The following NRP1 variants were observed in gnomAD, a reference collection of about 807,000 sequenced individuals.
NRP1 encodes neuropilin 1.
Under a neutral mutation model 106.7 loss-of-function variants are expected in NRP1, and 35 were observed. That is an observed-to-expected ratio of 0.33 (90% CI 0.25 to 0.43). The LOEUF is 0.43. Among genes scored for constraint, NRP1 ranks in the 20% least tolerant of loss-of-function variants. NRP1 has a pLI of 1.00. For missense variants in NRP1, 1,024 were observed against 1,170.4 expected, an observed-to-expected ratio of 0.87 and a Z score of 1.83; for synonymous variants, 437 against 417.9, an observed-to-expected ratio of 1.05 and a Z score of -0.56.
Position 33,226,273 on chromosome 10 carries a change from A to G in NRP1, c.998T>C (p.Leu333Pro). Residue 333 changes from leucine to proline, a missense_variant, in exon 7 of 17, where the codon CTG (leucine) becomes CCG (proline). Physicochemically the swap from Leu to Pro is moderately conservative, Grantham distance 98 (BLOSUM62 -3). Transcript: ENST00000374867. ...TGTCCCGACAGCCGTGACAAAGCGC[A>G]GAAGGCCCAAGTCTACCTGCAAGAC... Reference protein sequence around the residue: ...REWIQVDLGLLRFVTAVGTQG... With the variant: ...REWIQVDLGLPRFVTAVGTQG... The G allele has an allele frequency of 6.2e-7, 1 of 1,614,172 alleles. No individual in the cohort carries two copies. The highest frequency in any genetic ancestry group is 1.1e-5 in the South Asian group (1 of 91,088).
chr10:33,194,968 C>A (rs1204197967), intron 12 of NRP1, among the ~76,000 whole-genome samples: 1 of 152,194 alleles, frequency 6.6e-6, no homozygotes, highest in Non-Finnish European at 1.5e-5. Flanking sequence ...GCGGGGCACA[C>A]AACTCTCATT....
chr10:33,196,363 G>A (rs1836786365), intron 12 of NRP1, among the ~76,000 whole-genome samples: 1 of 152,218 alleles, frequency 6.6e-6, no homozygotes. Flanking sequence ...TCCCAGAAAG[G>A]ACATAGAGAA....
intron 2 of NRP1, among the ~76,000 whole-genome samples, chr10:33,271,493 A>G (rs975118123): frequency 1.9e-4 from 29 of 152,254 alleles, no homozygotes; most frequent in African/African-American, 7.0e-4. Context: ...TCTCCCAAGA[A>G]AAAGTTTAGT....
At chr10:33,324,956 A>G (rs1328716576) in intron 2 of NRP1, among the ~76,000 whole-genome samples, 2 of 152,128 alleles carry the variant, frequency 1.3e-5, no homozygotes. Flanking sequence ...CTAAGACTCT[A>G]GTTGAGTTTT....
At chr10:33,210,294 G>A (rs1838197968) in intron 9 of NRP1, among the ~76,000 whole-genome samples, 1 of 151,776 alleles carries the variant, frequency 6.6e-6, no homozygotes, top group African/African-American at 2.4e-5. Context: ...ATTATTGTGA[G>A]GCCCAATTAA....
Position 33,179,787 on chromosome 10 carries a change from C to A in NRP1, c.*289G>T. 2.7e-6 allele frequency: 1 copy of A among 371,836 alleles called. No homozygotes were observed. The highest frequency in any genetic ancestry group is 4.9e-6 in the Non-Finnish European group (1 of 202,588). The allele number at this position is 371,836 out of a possible 1,614,324, so 23.0% of individuals were successfully genotyped here. On this transcript the variant is annotated 3_prime_UTR_variant, in exon 17 of 17. Coordinates refer to ENST00000374867, the MANE Select transcript of NRP1 (RefSeq NM_003873.7). ...GGGAGAGGAGAGAGAGAGAGAGGGG[C>A]AGGAGGGGTCGAAATGAATGATTAT...
chr10:33,227,358 G>A (rs182332253), intron 6 of NRP1, among the ~76,000 whole-genome samples: 15 of 152,256 alleles, frequency 9.9e-5, no homozygotes, highest in Admixed American at 9.2e-4. Context: ...AGACTGAAAC[G>A]ATACTGACTT....
chr10:33,194,887 G>T, intron 12 of NRP1: 1 of 415,772 alleles, frequency 2.4e-6, no homozygotes, highest in Non-Finnish European at 4.9e-6. Context: ...AGAGAAAAAA[G>T]CAAATTAATG....
chr10:33,265,137 AAAC>A (rs1842838730), intron 3 of NRP1, among the ~76,000 whole-genome samples: 2 of 152,064 alleles, frequency 1.3e-5, no homozygotes, highest in South Asian at 2.1e-4. Flanking sequence ...ACAAACAAAC[AAAC>A]AACAACCAAA....
chr10:33,241,637 ATG>A (rs1841029042), intron 6 of NRP1, among the ~76,000 whole-genome samples: 1 of 151,566 alleles, frequency 6.6e-6, no homozygotes, highest in Non-Finnish European at 1.5e-5. Context: ...GTGCTGTTGT[ATG>A]TGTGTGGTGG....
intron 2 of NRP1, among the ~76,000 whole-genome samples, chr10:33,286,028 C>T (rs1331212504): frequency 6.6e-6 from 1 of 152,152 alleles, no homozygotes; most frequent in East Asian, 1.9e-4. Context: ...CATTCCCACC[C>T]ATTGATCCTA....
At position 33,256,318 on chromosome 10, in the gene NRP1, T is replaced by C. The variant is rs1212018208; in HGVS notation, c.812A>G (p.Glu271Gly). ...NYSVLQSSVS[E>G]DFKCMEALGM... is the part of the protein sequence containing the mutation. ...TTGCAAAATGAATAAACACTGACCT[T>C]CTGAGACACTGCTCTGCAAGACACT... The change falls in exon 5 of 17, where the codon GAA becomes GGA. Residue 271 changes from glutamate to glycine, a missense_variant and splice_region_variant. By Grantham distance (98) the Glu-to-Gly change is moderately conservative (BLOSUM62 -2). Transcript: ENST00000374867. 1 of 1,614,008 alleles carries C rather than the reference T, an allele frequency of 6.2e-7. No homozygotes were observed. The highest frequency in any genetic ancestry group is 1.3e-5 in the African/African-American group (1 of 74,920).
Position 33,213,517 on chromosome 10 carries a change from C to G in NRP1, c.1483G>C (p.Val495Leu). Reference sequence around the variant, plus strand: ...CCACCCTGAATGATGATGCCCCTCACGATCTTCTCCTCCCCCAGGTCTATT... The same window carrying G: ...CCACCCTGAATGATGATGCCCCTCAGGATCTTCTCCTCCCCCAGGTCTATT... ...LQIDLGEEKI[V>L]RGIIIQGGKH... is the part of the protein sequence containing the mutation. Residue 495 changes from valine to leucine, a missense_variant, in exon 9 of 17, where the codon GTG becomes CTG. Around this residue, in one of 5 missense-constraint regions of NRP1, gnomAD observed 562 missense variants for 620.3 expected, o/e 0.91. Coordinates refer to ENST00000374867, the MANE Select transcript of NRP1 (RefSeq NM_003873.7). 1 of 1,614,088 alleles carries G rather than the reference C, an allele frequency of 6.2e-7. No individual in the cohort carries two copies. The highest frequency in any genetic ancestry group is 8.5e-7 in the Non-Finnish European group (1 of 1,180,022).
intron 7 of NRP1, among the ~76,000 whole-genome samples, chr10:33,224,012 TG>T (rs1013437240): frequency 6.6e-6 from 1 of 152,086 alleles, no homozygotes; most frequent in African/African-American, 2.4e-5. Flanking sequence ...CTGGAGTTGT[TG>T]GTGGTCGAAA....
intron 3 of NRP1, among the ~76,000 whole-genome samples, chr10:33,264,117 A>T (rs1042786615): frequency 2.6e-5 from 4 of 152,226 alleles, no homozygotes; most frequent in Admixed American, 1.3e-4. Context: ...CTGCTGTTGC[A>T]GGGAAAAATA....
chr10:33,229,584 C>T lies in NRP1; in HGVS notation c.982-3295G>A, dbSNP rs113974402. ...TTCAGCTTGGGCTGATTTGAAACAA[C>T]CCTAGAACTTCATTCCCTGGTTGTC... On this transcript the variant is annotated intron_variant, in intron 6 of 16. Transcript: ENST00000374867. Among the ~76,000 whole-genome samples, 103 of 152,244 alleles carry T rather than the reference C, an allele frequency of 6.8e-4. 1 individual carries two copies. The highest frequency in any genetic ancestry group is 2.3e-3 in the African/African-American group (97 of 41,532).
intron 8 of NRP1, among the ~76,000 whole-genome samples, chr10:33,216,625 T>C (rs1027994762): frequency 1.3e-5 from 2 of 151,838 alleles, no homozygotes; most frequent in African/African-American, 4.8e-5. Flanking sequence ...GGCAATTTTT[T>C]TTTTTTTGGT....
intron 4 of NRP1, 66 bp downstream of exon 4, chr10:33,263,580 G>T: frequency 8.2e-7 from 1 of 1,222,006 alleles, no homozygotes; most frequent in Non-Finnish European, 1.2e-6. Flanking sequence ...CATGAGACTT[G>T]TAAAAGAATA....
chr10:33,227,607 A>T (rs544147265), intron 6 of NRP1, among the ~76,000 whole-genome samples: 1 of 152,270 alleles, frequency 6.6e-6, no homozygotes, highest in South Asian at 2.1e-4. Context: ...TTCTCCTGGT[A>T]AGTTTCCAGT....
Sources: allele counts gnomAD v4.1 joint callset (sites outside exome capture counted in the v4.1 genomes callset), GRCh38; gene constraint gnomAD v4.1.1; regional missense constraint gnomAD v4.1.1; transcripts MANE v1.5; gene names NCBI Gene and HGNC (gene_info 2026-07-23, HGNC 2026-07-21).